Variants in DAPK3 observed in about 807,000 individuals in gnomAD.
DAPK3 encodes death-associated protein kinase 3.
Under a neutral mutation model 30.6 loss-of-function variants are expected in DAPK3, and 24 were observed. The ratio of observed to expected loss-of-function variants is 0.78; its 90% CI spans 0.57 to 1.10. DAPK3 has a LOEUF of 1.10. Ranked by LOEUF, DAPK3 falls within the 50% of genes least tolerant of loss-of-function variation. DAPK3 has a pLI of 0.00. For synonymous variants in DAPK3, 341 were observed against 284.0 expected (o/e 1.20, Z -2.02); for missense variants, 629 against 657.3 (o/e 0.96, Z 0.47).
At chr19:3,965,133 G>A in intron 2 of DAPK3, 142 bp from the exon 3 acceptor site, 2 of 611,024 alleles carry the variant, frequency 3.3e-6, no homozygotes, top group South Asian at 3.8e-5. Context: ...GGCCACTGCG[G>A]GGGTGCAGAC....
At chr19:3,962,922 T>C (rs1316579574) in intron 6 of DAPK3, among the ~76,000 whole-genome samples, 1 of 150,590 alleles carries the variant, frequency 6.6e-6, no homozygotes, top group Non-Finnish European at 1.5e-5. Flanking sequence ...ATCAACATGG[T>C]GAAACCCCGT....
chr19:3,964,922 G>A lies in DAPK3; in HGVS notation c.132C>T (p.Ile44=). ...GTGKEYAAKF[I]KKRRLSSSRR... ...GGCTGGATGACAGGCGGCGCTTCTT[G>A]ATGAACTTGGCTGCGTACTCCTTGC... The change falls in exon 3 of 9, where the codon ATC becomes ATT. Residue 44 remains isoleucine, a synonymous_variant. Transcript: ENST00000545797. 6.2e-7 allele frequency: 1 copy of A among 1,612,258 alleles called. No individual in the cohort carries two copies. The highest frequency in any genetic ancestry group is 8.5e-7 in the Non-Finnish European group (1 of 1,178,602).
At chr19:3,963,530 C>A (rs1055880644) in intron 6 of DAPK3, 113 bp downstream of exon 6, 1 of 618,180 alleles carries the variant, frequency 1.6e-6, no homozygotes, top group Non-Finnish European at 2.9e-6. Context: ...CCTGAGTACC[C>A]GCGATGGGTC....
chr19:3,960,970 C>T (rs370005481), intron 7 of DAPK3, 39 bp downstream of exon 7: 190 of 1,606,400 alleles, frequency 1.2e-4, no homozygotes, highest in Non-Finnish European at 1.5e-4. Context: ...GGGCCTGTGT[C>T]CCATGTCCCA....
chr19:3,964,796 C>G lies in DAPK3; in HGVS notation c.258G>C (p.Lys86Asn). Residue 86 changes from lysine to asparagine, a missense_variant, in exon 3 of 9, where the codon AAG becomes AAC. Coordinates refer to ENST00000545797, the MANE Select transcript of DAPK3 (RefSeq NM_001348.3). ...IITLHDIFEN[K>N]TDVVLILELV... is the part of the protein sequence containing the mutation. ...GCTCCAGGATGAGGACCACGTCCGT[C>G]TTGTTCTCGAAGATGTCGTGCAGGG... 5.0e-6 allele frequency: 8 copies of G among 1,612,234 alleles called. No homozygotes were observed. Among genetic ancestry groups the G allele is most frequent in the Non-Finnish European group, 6.8e-6 (8 of 1,178,458 alleles).
chr19:3,969,719 T>C lies in DAPK3; in HGVS notation c.17A>G (p.Gln6Arg). The part of the protein sequence containing the change: MSTFR[Q>R]EDVEDHYEMG... ...CTCATAATGGTCCTCCACGTCCTCCTGCCTGAACGTGGACATGGCGGCCGG... is the reference window on the plus strand; with the variant it reads ...CTCATAATGGTCCTCCACGTCCTCCCGCCTGAACGTGGACATGGCGGCCGG... Residue 6 changes from glutamine to arginine, a missense_variant, in exon 2 of 9, where the codon CAG (glutamine) becomes CGG (arginine). Physicochemically the swap from Gln to Arg is conservative, Grantham distance 43. Coordinates refer to ENST00000545797, the MANE Select transcript of DAPK3 (RefSeq NM_001348.3). 2 of 1,612,072 alleles carry C rather than the reference T, an allele frequency of 1.2e-6. No homozygotes were observed. Among genetic ancestry groups the C allele is most frequent in the Non-Finnish European group, 1.7e-6 (2 of 1,178,972 alleles).
At chr19:3,964,442 CCTCACCCTCACGCTCCCCGCAA>C in intron 3 of DAPK3, 69 bp from the exon 4 acceptor site, 15 of 1,004,494 alleles carry the variant, frequency 1.5e-5, no homozygotes, top group African/African-American at 4.6e-5. Flanking sequence ...GCTCCCCAAA[CCTCACCCTCACGCTCCCCGCAA>C]CCTCACCCCC....
chr19:3,969,557 G>T, intron 2 of DAPK3, 117 bp downstream of exon 2: 1 of 703,010 alleles, frequency 1.4e-6, no homozygotes, highest in Non-Finnish European at 2.5e-6. Context: ...GCATGATACT[G>T]ACTCATTCCT....
At chr19:3,962,703 G>A (rs1318414241) in intron 6 of DAPK3, among the ~76,000 whole-genome samples, 1 of 150,134 alleles carries the variant, frequency 6.7e-6, no homozygotes, top group African/African-American at 2.5e-5. Context: ...CTTGAACCCG[G>A]GAGGCAGAGG....
In DAPK3 at chr19:3,969,827, A is replaced by ACTCCTAGAGTCT. The variant is rs1458066489; in HGVS notation, c.-93_-92insAGACTCTAGGAG. On this transcript the variant is annotated splice_region_variant and 5_prime_UTR_variant, in exon 2 of 9. Transcript: ENST00000545797. Reference sequence around the variant, plus strand: ...GGACCTCAGGAGTCCCCTAATGGCAACCCTGGAGAAGACAGGGAAAGACAG... The same window carrying ACTCCTAGAGTCT: ...GGACCTCAGGAGTCCCCTAATGGCAACTCCTAGAGTCTCCCTGGAGAAGACAGGGAAAGACAG... 2.4e-6 allele frequency: 2 copies of ACTCCTAGAGTCT among 832,416 alleles called. No homozygotes were observed. The highest frequency in any genetic ancestry group is 4.1e-6 in the Non-Finnish European group (2 of 490,482). 51.6% of individuals were successfully genotyped at this position (832,416 alleles called of 1,614,324 possible).
At position 3,961,108 on chromosome 19, in the gene DAPK3, T is replaced by C; in HGVS notation, c.683A>G (p.Asn228Ser). 6.2e-7 allele frequency: 1 copy of C among 1,613,442 alleles called. No individual in the cohort carries two copies. Among genetic ancestry groups the C allele is most frequent in the Non-Finnish European group, 8.5e-7 (1 of 1,179,700 alleles). ...GAAGTCGTAGTTCACGGCTGAGATG[T>C]TGGTGAGCGTCTCCTGCTTGGTCTC... The part of the protein sequence containing the change: ...LGETKQETLT[N>S]ISAVNYDFDE... Residue 228 changes from asparagine to serine, a missense_variant, in exon 7 of 9, where the codon AAC becomes AGC. Physicochemically the swap from Asn to Ser is conservative, Grantham distance 46. This residue lies in a region of DAPK3 where 306 missense variants were observed against 378.5 expected (regional missense o/e 0.81). Coordinates refer to ENST00000545797, the MANE Select transcript of DAPK3 (RefSeq NM_001348.3).
At chr19:3,968,162 C>A (rs2039597840) in intron 2 of DAPK3, among the ~76,000 whole-genome samples, 1 of 152,176 alleles carries the variant, frequency 6.6e-6, no homozygotes, top group African/African-American at 2.4e-5. Flanking sequence ...CATCCTATTC[C>A]AGCCCTGATG....
At chr19:3,970,222 G>C (rs554247501) in intron 1 of DAPK3, among the ~76,000 whole-genome samples, 2 of 152,094 alleles carry the variant, frequency 1.3e-5, no homozygotes, top group Non-Finnish European at 2.9e-5. Context: ...TTACTCCCTG[G>C]CCAATGTCTT....
chr19:3,967,143 A>G (rs1347122727), intron 2 of DAPK3, among the ~76,000 whole-genome samples: 2 of 152,210 alleles, frequency 1.3e-5, no homozygotes, highest in African/African-American at 2.4e-5. Context: ...GATAGAGTTC[A>G]TGATGTTTAA....
chr19:3,969,658 C>A lies in DAPK3; in HGVS notation c.62+16G>T, dbSNP rs754956298. ...CTCCTATCCCTGGAGCCCAGCCGTG[C>A]GGGCAGACAGCTCACCTGCCCAGCT... On this transcript the variant is annotated intron_variant, in intron 2 of 8. Coordinates refer to ENST00000545797, the MANE Select transcript of DAPK3 (RefSeq NM_001348.3). 3 of 1,562,064 alleles carry A rather than the reference C, an allele frequency of 1.9e-6. No individual in the cohort carries two copies. Among genetic ancestry groups the A allele is most frequent in the Admixed American group, 1.7e-5 (1 of 59,938 alleles).
chr19:3,960,153 C>CCTCCCGTGAACAACTGA (rs2039493182), intron 7 of DAPK3, 49 bp from the exon 8 acceptor site: 1 of 1,090,196 alleles, frequency 9.2e-7, no homozygotes, highest in Non-Finnish European at 1.4e-6. Flanking sequence ...TCTGTCCCGT[C>CCTCCCGTGAACAACTGA]CTCCCGTGAA....
rs909138658 is a variant in DAPK3 at position 3,958,590 on chromosome 19, G to A, written c.*511C>T. 4.5e-6 allele frequency: 2 copies of A among 447,386 alleles called. No individual in the cohort carries two copies. Among genetic ancestry groups the A allele is most frequent in the African/African-American group, 2.0e-5 (1 of 50,006 alleles). The allele number at this position is 447,386 out of a possible 1,614,324, so 27.7% of individuals were successfully genotyped here. A position where few individuals can be genotyped will look rare whatever the true frequency, so the allele number is the denominator to read the frequency against. On this transcript the variant is annotated 3_prime_UTR_variant, in exon 9 of 9. Coordinates refer to ENST00000545797, the MANE Select transcript of DAPK3 (RefSeq NM_001348.3). ...CCCGGGGGACCGGCCTCGGCGAGAAGGGCACACAGTGGAAGACCCCACCAA... is the reference window on the plus strand; with the variant it reads ...CCCGGGGGACCGGCCTCGGCGAGAAAGGCACACAGTGGAAGACCCCACCAA...
chr19:3,961,432 C>G (rs773105166), intron 6 of DAPK3: 1 of 599,240 alleles, frequency 1.7e-6, no homozygotes. Flanking sequence ...TGTGCAGACG[C>G]AGAGCCCGAA....
intron 6 of DAPK3, 53 bp downstream of exon 6, chr19:3,963,590 G>A: frequency 8.1e-7 from 1 of 1,241,454 alleles, no homozygotes; most frequent in Non-Finnish European, 1.1e-6. Flanking sequence ...ACGGAGCCGG[G>A]GACCCATGCC....
Sources: allele counts gnomAD v4.1 joint callset (sites outside exome capture counted in the v4.1 genomes callset), GRCh38; gene constraint gnomAD v4.1.1; regional missense constraint gnomAD v4.1.1; transcripts MANE v1.5; gene names NCBI Gene and HGNC (gene_info 2026-07-23, HGNC 2026-07-21).